TMEM234: variants seen among roughly 807,000 people sequenced by gnomAD.
The protein encoded by TMEM234 is chromosome 1 open reading frame 91.
A neutral mutation model predicts 17.8 loss-of-function variants in TMEM234; 21 were observed. The observed-to-expected ratio is 1.18, with a 90% CI of 0.84 to 1.70. The LOEUF is 1.70. TMEM234 is among the 40% of genes most tolerant of loss of function. TMEM234 has a pLI of 0.00. For synonymous variants in TMEM234, 83 were observed against 73.5 expected (o/e 1.13, Z -0.66); for missense variants, 137 against 166.9 (o/e 0.82, Z 0.99).
chr1:32,220,297 C>T (rs1348629952), intron 3 of TMEM234, among the ~76,000 whole-genome samples: 12 of 152,226 alleles, frequency 7.9e-5, no homozygotes, highest in Admixed American at 7.8e-4. Context: ...GCGCCTCAGC[C>T]TCCCAAGTAG....
At chr1:32,215,952 C>G (rs1200248331), downstream of TMEM234, 5 of 1,419,566 alleles carry the variant, frequency 3.5e-6, no homozygotes, top group African/African-American at 5.7e-5. Context: ...ACCTTTTGTC[C>G]TTAGCCTCCA....
In TMEM234 at chr1:32,222,021, G is replaced by A. The variant is rs1204742714; in HGVS notation, c.17-3C>T. On this transcript the variant is annotated splice_polypyrimidine_tract_variant and splice_region_variant and intron_variant, in intron 1 of 4. Coordinates refer to ENST00000309777, the MANE Select transcript of TMEM234 (RefSeq NM_019118.5). ...CAGCACCAGAGCCAACACCTGCCCTGAATGCAGACGAGTGAGTCACCCTGA... is the reference window on the plus strand; with the variant it reads ...CAGCACCAGAGCCAACACCTGCCCTAAATGCAGACGAGTGAGTCACCCTGA... The A allele has an allele frequency of 1.2e-6, 2 of 1,608,056 alleles. No homozygotes were observed. The highest frequency in any genetic ancestry group is 2.2e-5 in the South Asian group (2 of 90,594).
chr1:32,216,027 C>A, downstream of TMEM234: 1 of 822,312 alleles, frequency 1.2e-6, no homozygotes, highest in Non-Finnish European at 2.0e-6. Context: ...GCCTCCTCAG[C>A]CCTCCCCGTT....
rs1241616112 is a variant in TMEM234, at chr1:32,217,306, AAGATGATAGCCAGAGAGTTAC to A, written c.260_280del (p.Cys87_Ile93del). ...AAGGGCCTTCCCAACAATCAGTGTG[AAGATGATAGCCAGAGAGTTAC>A]AGATGGGCACAGCCAGGGTCAGATC... is the stretch of plus-strand genomic sequence containing the variant. On this transcript the variant is annotated inframe_deletion, in exon 4 of 5. Coordinates refer to ENST00000309777, the MANE Select transcript of TMEM234 (RefSeq NM_019118.5). 6.2e-7 allele frequency: 1 copy of A among 1,613,848 alleles called. No individual in the cohort carries two copies. The highest frequency in any genetic ancestry group is 8.5e-7 in the Non-Finnish European group (1 of 1,179,880).
At chr1:32,215,561 G>A (rs1162646306), downstream of TMEM234, 1 of 1,609,632 alleles carries the variant, frequency 6.2e-7, no homozygotes, top group African/African-American at 1.3e-5. Context: ...GTTGGATCAG[G>A]AAACAGTATG....
rs1463398041 is a variant in TMEM234 at position 32,222,348 on chromosome 1, G to C, written c.-26C>G. 1.3e-6 allele frequency: 2 copies of C among 1,563,732 alleles called. No homozygotes were observed. Among genetic ancestry groups the C allele is most frequent in the Non-Finnish European group, 1.7e-6 (2 of 1,151,290 alleles). On this transcript the variant is annotated 5_prime_UTR_variant, in exon 1 of 5. Coordinates refer to ENST00000309777, the MANE Select transcript of TMEM234 (RefSeq NM_019118.5). ...GGCAACGCCGCTGTCTTCTACTTCC[G>C]GGAACGAAGGGGCGGAGACCCATAA...
downstream of TMEM234, chr1:32,215,053 GA>G (rs75232351): frequency 0.18 from 174,975 of 983,878 alleles, no homozygotes; most frequent in Middle Eastern, 0.2. Context: ...GCCGGCACTG[GA>G]AAAAAAAAAA....
At position 32,216,346 on chromosome 1, in the gene TMEM234, T is replaced by C. The variant is rs1638379151; in HGVS notation, c.*507A>G. 14 of 1,546,630 alleles carry C rather than the reference T, an allele frequency of 9.1e-6. No individual in the cohort carries two copies. Among genetic ancestry groups the C allele is most frequent in the South Asian group, 3.6e-5 (3 of 83,926 alleles). On this transcript the variant is annotated 3_prime_UTR_variant, in exon 5 of 5. Transcript: ENST00000309777. ...TCATGGGTGGGGCAGGCAAGGCTAATAGACAGCTCATTTCCTGCATCTGCC... is the reference window on the plus strand; with the variant it reads ...TCATGGGTGGGGCAGGCAAGGCTAACAGACAGCTCATTTCCTGCATCTGCC...
At position 32,216,203 on chromosome 1, in the gene TMEM234, G is replaced by A; in HGVS notation, c.*650C>T. 3 of 953,316 alleles carry A rather than the reference G, an allele frequency of 3.1e-6. No homozygotes were observed. The highest frequency in any genetic ancestry group is 1.5e-6 in the Non-Finnish European group (1 of 657,040). 59.1% of individuals were successfully genotyped at this position (953,316 alleles called of 1,614,324 possible). On this transcript the variant is annotated 3_prime_UTR_variant, in exon 5 of 5. Transcript: ENST00000309777. ...AAGAATACTTACTAACCTCTTGTCTGTTTACCATAGATTTATTGACAGCTA... is the reference window on the plus strand; with the variant it reads ...AAGAATACTTACTAACCTCTTGTCTATTTACCATAGATTTATTGACAGCTA...
chr1:32,221,838 CGAGA>C (rs752955686), intron 2 of TMEM234, 25 bp downstream of exon 2: 9 of 1,611,662 alleles, frequency 5.6e-6, no homozygotes, highest in Non-Finnish European at 6.8e-6. Context: ...GCAACTCCAC[CGAGA>C]GAGGGGCCTT....
Position 32,221,264 on chromosome 1 carries a change from C to T in TMEM234, c.169-67G>A. 5 of 1,260,638 alleles carry T rather than the reference C, an allele frequency of 4.0e-6. No homozygotes were observed. The South Asian group carries it at 6.2e-5, about 16-fold the overall frequency. 78.1% of individuals were successfully genotyped at this position (1,260,638 alleles called of 1,614,324 possible). ...TGAGCAGCACTGCCTTCTTTGAGCTCCTAGCGAATGTCTTTCCTTGGAGGG... is the reference window on the plus strand; with the variant it reads ...TGAGCAGCACTGCCTTCTTTGAGCTTCTAGCGAATGTCTTTCCTTGGAGGG... On this transcript the variant is annotated intron_variant, in intron 2 of 4. Transcript: ENST00000309777.
chr1:32,219,099 C>A (rs1466295217), intron 3 of TMEM234, among the ~76,000 whole-genome samples: 1 of 136,600 alleles, frequency 7.3e-6, no homozygotes, highest in African/African-American at 2.8e-5. Context: ...GCAACAAGAG[C>A]GAAATGCCGT....
chr1:32,217,712 A>G, intron 3 of TMEM234: 1 of 412,596 alleles, frequency 2.4e-6, no homozygotes, highest in Non-Finnish European at 4.6e-6. Flanking sequence ...CACAGCCACC[A>G]TTTATTAAGC....
chr1:32,221,956 G>A lies in TMEM234; in HGVS notation c.79C>T (p.Arg27Trp), dbSNP rs1638957189. 6.2e-7 allele frequency: 1 copy of A among 1,612,818 alleles called. No homozygotes were observed. The highest frequency in any genetic ancestry group is 8.5e-7 in the Non-Finnish European group (1 of 1,179,934). ...LWGGTQPLLK[R>W]ASAGLQRVHE... ...ACCCGCTGCAGGCCGGCGGAGGCCC[G>A]CTTCAGCAGCGGCTGCGTGCCACCC... Residue 27 changes from arginine to tryptophan, a missense_variant, in exon 2 of 5, where the codon CGG becomes TGG. Physicochemically the swap from Arg to Trp is moderately radical, Grantham distance 101. Coordinates refer to ENST00000309777, the MANE Select transcript of TMEM234 (RefSeq NM_019118.5).
chr1:32,217,109 C>A, intron 4 of TMEM234, 150 bp downstream of exon 4: 1 of 1,568,216 alleles, frequency 6.4e-7, no homozygotes, highest in Non-Finnish European at 8.7e-7. Context: ...CTGATGGCCA[C>A]AAGGAAGCAA....
At chr1:32,215,858 G>T (rs753216846), downstream of TMEM234, 1 of 1,552,890 alleles carries the variant, frequency 6.4e-7, no homozygotes, top group South Asian at 1.2e-5. Context: ...CTGGGGCTGG[G>T]GCTGCTATCT....
At chr1:32,217,122 C>T (rs1638461643) in intron 4 of TMEM234, 137 bp downstream of exon 4, 4 of 1,574,800 alleles carry the variant, frequency 2.5e-6, no homozygotes, top group East Asian at 4.7e-5. Flanking sequence ...GGAAGCAAAA[C>T]AGCTGCAGAG....
chr1:32,222,162 G>A (rs1638984534), intron 1 of TMEM234, 144 bp from the exon 2 acceptor site: 12 of 1,502,506 alleles, frequency 8.0e-6, no homozygotes, highest in Non-Finnish European at 9.8e-6. Context: ...GGCTAAGGCA[G>A]GCCCAGGGAA....
In TMEM234 at chr1:32,217,272, A is replaced by G; in HGVS notation, c.315T>C (p.Asp105=). 1 of 1,614,124 alleles carries G rather than the reference A, an allele frequency of 6.2e-7. No individual in the cohort carries two copies. Among genetic ancestry groups the G allele is most frequent in the Non-Finnish European group, 8.5e-7 (1 of 1,180,030 alleles). ...AGTCTAACTTACGTTTTCCACCAAT[A>G]TCTTCTCCAAGGGCCTTCCCAACAA... ...TLIVGKALGE[D]IGGKRAVAGM... Residue 105 remains aspartate (D), a synonymous_variant, in exon 4 of 5, where the codon GAT becomes GAC. Coordinates refer to ENST00000309777, the MANE Select transcript of TMEM234 (RefSeq NM_019118.5).
Sources: allele counts gnomAD v4.1 joint callset (sites outside exome capture counted in the v4.1 genomes callset), GRCh38; gene constraint gnomAD v4.1.1; transcripts MANE v1.5; gene names NCBI Gene and HGNC (gene_info 2026-07-23, HGNC 2026-07-21).